Variants in MAP3K8 observed in about 807,000 individuals in gnomAD.
MAP3K8 encodes mitogen-activated protein kinase kinase kinase 8.
A neutral mutation model predicts 45.8 loss-of-function variants in MAP3K8; 22 were observed. The ratio of observed to expected loss-of-function variants is 0.48; its 90% confidence interval spans 0.34 to 0.69. The LOEUF (loss-of-function observed/expected upper bound fraction) is 0.69. MAP3K8 is among the 30% of genes least tolerant of loss of function. The pLI is 0.01. For missense variants in MAP3K8, 419 were observed against 585.0 expected (o/e 0.72, Z 2.93); for synonymous variants, 223 against 214.3 (o/e 1.04, Z -0.36).
intron 3 of MAP3K8, among the ~76,000 whole-genome samples, chr10:30,440,063 C>T (rs1836048344): frequency 6.6e-6 from 1 of 152,124 alleles, no homozygotes; most frequent in African/African-American, 2.4e-5. Context: ...CTTTCATTGG[C>T]AAAGTATGAA....
At chr10:30,460,062 C>T (rs578104801) in intron 8 of MAP3K8, among the ~76,000 whole-genome samples, 9 of 152,192 alleles carry the variant, frequency 5.9e-5, no homozygotes, top group South Asian at 2.1e-4. Context: ...AGGCTGGTCT[C>T]GAACTCCTGA....
At chr10:30,446,756 T>A (rs1290142810) in intron 3 of MAP3K8, among the ~76,000 whole-genome samples, 2 of 152,126 alleles carry the variant, frequency 1.3e-5, no homozygotes, top group African/African-American at 4.8e-5. Context: ...TCTAATTTTT[T>A]CCTCTTTAAA....
At chr10:30,437,037 A>C (rs1168112483) in intron 1 of MAP3K8, 139 bp from the exon 2 acceptor site, 2 of 264,338 alleles carry the variant, frequency 7.6e-6, no homozygotes, top group Non-Finnish European at 1.2e-5. Flanking sequence ...AACCTGAATC[A>C]CAATCTCCCT....
intron 6 of MAP3K8, among the ~76,000 whole-genome samples, chr10:30,456,571 T>C (rs1438619164): frequency 2.0e-5 from 3 of 152,112 alleles, no homozygotes; most frequent in South Asian, 4.1e-4. Context: ...TGGCAGACAG[T>C]GTACAAGCTG....
chr10:30,447,040 T>G (rs1216289422), intron 3 of MAP3K8, among the ~76,000 whole-genome samples: 1 of 152,206 alleles, frequency 6.6e-6, no homozygotes, highest in Non-Finnish European at 1.5e-5. Flanking sequence ...CGTTATCCAC[T>G]GCTCCCAGCT....
chr10:30,457,845 T>C (rs577005146), intron 6 of MAP3K8, among the ~76,000 whole-genome samples: 4 of 152,108 alleles, frequency 2.6e-5, no homozygotes, highest in Non-Finnish European at 5.9e-5. Flanking sequence ...CCAGGCTGGT[T>C]TTGAACTCCT....
chr10:30,458,276 G>GGC (rs1554774900), intron 7 of MAP3K8, 40 bp downstream of exon 7: 6 of 1,358,684 alleles, frequency 4.4e-6, no homozygotes, highest in South Asian at 3.3e-5. Context: ...GGCGGGGGGG[G>GGC]GCGTTGAGTT....
At chr10:30,449,112 T>C (rs1242066532) in intron 4 of MAP3K8, among the ~76,000 whole-genome samples, 1 of 152,216 alleles carries the variant, frequency 6.6e-6, no homozygotes, top group African/African-American at 2.4e-5. Context: ...TCTATTTATA[T>C]AAAGGACCAA....
At chr10:30,458,268 C>CCG (rs527459022) in intron 7 of MAP3K8, 32 bp downstream of exon 7, 9 of 443,804 alleles carry the variant, frequency 2.0e-5, no homozygotes, top group East Asian at 2.0e-4. Context: ...CTGGGGGCGG[C>CCG]GGGGGGGGGC....
At chr10:30,451,867 T>G in intron 6 of MAP3K8, 123 bp downstream of exon 6, 1 of 533,174 alleles carries the variant, frequency 1.9e-6, no homozygotes, top group East Asian at 3.0e-5. Context: ...TAAATCATTA[T>G]TTTCCTTGGA....
At chr10:30,452,909 C>T (rs1289424673) in intron 6 of MAP3K8, among the ~76,000 whole-genome samples, 4 of 151,818 alleles carry the variant, frequency 2.6e-5, no homozygotes, top group Admixed American at 2.6e-4. Context: ...GAACTGTTGG[C>T]CTCAAGTGAT....
chr10:30,439,664 C>T (rs1477339201), intron 3 of MAP3K8, among the ~76,000 whole-genome samples: 1 of 152,084 alleles, frequency 6.6e-6, no homozygotes, highest in East Asian at 1.9e-4. Context: ...ACAAAATTAG[C>T]CTGGCATGGT....
At chr10:30,434,726 G>A (rs769021715) in intron 1 of MAP3K8, 204 of 985,458 alleles carry the variant, frequency 2.1e-4, no homozygotes, top group Non-Finnish European at 2.4e-4. Context: ...CTGGACGGCC[G>A]CACTCTCCCT....
At chr10:30,434,491 G>T in intron 1 of MAP3K8, 113 bp downstream of exon 1, 1 of 985,646 alleles carries the variant, frequency 1.0e-6, no homozygotes. Flanking sequence ...GAAAACTCTG[G>T]CGTGGGAAGA....
Position 30,459,471 on chromosome 10 carries a change from A to G in MAP3K8, c.1243A>G (p.Lys415Glu). 6.2e-7 allele frequency: 1 copy of G among 1,614,004 alleles called. No homozygotes were observed. The highest frequency in any genetic ancestry group is 8.5e-7 in the Non-Finnish European group (1 of 1,180,016). ...GGAGCGCAAGAGGCTGCTGAGTAGG[A>G]AGGAGCTGGAACTTCCTGAGAACAT... ...LLERKRLLSR[K>E]ELELPENIAD... The change falls in exon 8 of 9, where the codon AAG becomes GAG. Residue 415 changes from lysine to glutamate, a missense_variant. Physicochemically the swap from Lys to Glu is moderately conservative, Grantham distance 56. Coordinates refer to ENST00000263056, the MANE Select transcript of MAP3K8 (RefSeq NM_005204.4).
At chr10:30,447,661 C>T in intron 3 of MAP3K8, 121 bp from the exon 4 acceptor site, 2 of 772,854 alleles carry the variant, frequency 2.6e-6, no homozygotes, top group Non-Finnish European at 4.6e-6. Context: ...AGCACAGTGA[C>T]ATTAATTTCA....
At chr10:30,458,265 C>T (rs534729496) in intron 7 of MAP3K8, 29 bp downstream of exon 7, 10 of 406,194 alleles carry the variant, frequency 2.5e-5, no homozygotes, top group East Asian at 1.2e-4. Flanking sequence ...GGGCTGGGGG[C>T]GGCGGGGGGG....
rs1835946958 is a variant in MAP3K8, at chr10:30,437,330, T to G, written c.-100T>G. 1.0e-6 allele frequency: 1 copy of G among 984,910 alleles called. No individual in the cohort carries two copies. Among genetic ancestry groups the G allele is most frequent in the Non-Finnish European group, 1.2e-6 (1 of 829,458 alleles). 61.0% of individuals were successfully genotyped at this position (984,910 alleles called of 1,614,324 possible). A position where few individuals can be genotyped will look rare whatever the true frequency, so the allele number is the denominator to read the frequency against. On this transcript the variant is annotated 5_prime_UTR_variant, in exon 2 of 9. Transcript: ENST00000263056. ...CAAAGCAGCTAAAAATGACACAGCT[T>G]ATTTACCATGCCCCTGACACTGCAC...
At position 30,460,822 on chromosome 10, in the gene MAP3K8, C is replaced by A. The variant is rs971537792; in HGVS notation, c.1390C>A (p.Leu464Ile). ...YFNLVRGPPT[L>I]EYG ...CAATCTTGTTCGGGGACCACCAACG[C>A]TTGAATATGGCTGAAGGATGCCATG... Residue 464 changes from leucine (L) to isoleucine (I), a missense_variant, in exon 9 of 9, where the codon CTT (leucine) becomes ATT (isoleucine). Physicochemically the swap from Leu to Ile is conservative, Grantham distance 5. This residue lies in a region of MAP3K8 where 108 missense variants were observed against 124.2 expected (regional missense o/e 0.87). Coordinates refer to ENST00000263056, the MANE Select transcript of MAP3K8 (RefSeq NM_005204.4). 7.4e-6 allele frequency: 12 copies of A among 1,613,792 alleles called. No homozygotes were observed. Among genetic ancestry groups the A allele is most frequent in the Non-Finnish European group, 1.0e-5 (12 of 1,180,012 alleles).
Sources: gnomAD v4.1 joint callset for allele counts (sites outside exome capture counted in the v4.1 genomes callset) on GRCh38, gnomAD v4.1.1 for gene constraint, gnomAD v4.1.1 regional missense constraint, MANE v1.5 for transcripts, NCBI Gene and HGNC (gene_info 2026-07-23, HGNC 2026-07-21) for gene names.